Variants in ANGPT4 observed in about 807,000 individuals in gnomAD.
The protein encoded by ANGPT4 is angiopoietin 4.
ANGPT4 carries 50 observed loss-of-function variants against 53.0 expected under a neutral mutation model. That is an observed-to-expected ratio of 0.94 (90% CI 0.75 to 1.20). The LOEUF (loss-of-function observed/expected upper bound fraction) is 1.20, where lower values mean the gene tolerates loss of function less well. Ranked by LOEUF, ANGPT4 falls within the 50% of genes most tolerant of loss-of-function variation. The probability of loss-of-function intolerance (pLI) is 0.00; values close to 1 mark genes in which losing one functional copy is unlikely to be tolerated. For synonymous variants in ANGPT4, 251 were observed against 259.7 expected, an observed-to-expected ratio of 0.97 and a Z score of 0.32; for missense variants, 648 against 637.1, an observed-to-expected ratio of 1.02 and a Z score of -0.18.
intron 3 of ANGPT4, among the ~76,000 whole-genome samples, chr20:886,390 C>G (rs1981620782): frequency 1.3e-5 from 2 of 152,148 alleles, no homozygotes; most frequent in Non-Finnish European, 2.9e-5. Context: ...GCATGTCATG[C>G]AGTTATAGAA....
chr20:873,861 A>G (rs565863766), intron 8 of ANGPT4, among the ~76,000 whole-genome samples: 25 of 151,468 alleles, frequency 1.7e-4, no homozygotes, highest in African/African-American at 5.8e-4. Flanking sequence ...CATTCACCCC[A>G]CTTCCTGTTC....
At chr20:874,524 G>A in intron 7 of ANGPT4, 110 bp from the exon 8 acceptor site, 3 of 1,452,596 alleles carry the variant, frequency 2.1e-6, no homozygotes, top group South Asian at 1.3e-5. Flanking sequence ...TTCCCCTCCA[G>A]GTGTTCTTGG....
At chr20:874,713 A>C (rs142583689) in intron 7 of ANGPT4, among the ~76,000 whole-genome samples, 3 of 152,164 alleles carry the variant, frequency 2.0e-5, no homozygotes, top group African/African-American at 7.2e-5. Flanking sequence ...TGGCTAATAC[A>C]TATACATTTT....
intron 2 of ANGPT4, 118 bp downstream of exon 2, chr20:890,095 A>G: frequency 7.8e-7 from 1 of 1,274,578 alleles, no homozygotes; most frequent in Non-Finnish European, 1.1e-6. Context: ...GGGGGGCTAC[A>G]GGCCCAGAGG....
intron 1 of ANGPT4, among the ~76,000 whole-genome samples, chr20:897,620 T>TG: frequency 6.6e-6 from 1 of 152,224 alleles, no homozygotes; most frequent in East Asian, 1.9e-4. Context: ...GGGGGACACC[T>TG]GCCTTGGTCA....
intron 7 of ANGPT4, among the ~76,000 whole-genome samples, chr20:875,596 G>A (rs1263118436): frequency 6.6e-6 from 1 of 152,242 alleles, no homozygotes; most frequent in Non-Finnish European, 1.5e-5. Flanking sequence ...ATCTGTTCCA[G>A]TGGTAATGAT....
chr20:879,815 A>G lies in ANGPT4; in HGVS notation c.985T>C (p.Trp329Arg), dbSNP rs778837477. 1 of 1,613,386 alleles carries G rather than the reference A, an allele frequency of 6.2e-7. No homozygotes were observed. The highest frequency in any genetic ancestry group is 1.1e-5 in the South Asian group (1 of 91,018). ...FCDLQSSGGR[W>R]TLIQRRENGT... is the part of the protein sequence containing the mutation. Reference sequence around the variant, plus strand: ...TTCTCACGGCGCTGGATGAGGGTCCACCTGCCTCCACTGCTCTGCAGGTCA... The same window carrying G: ...TTCTCACGGCGCTGGATGAGGGTCCGCCTGCCTCCACTGCTCTGCAGGTCA... Residue 329 changes from tryptophan (W) to arginine (R), a missense_variant, in exon 6 of 9, where the codon TGG (tryptophan) becomes CGG (arginine). Trp to Arg is a moderately radical substitution (Grantham distance 101, BLOSUM62 -3). Coordinates refer to ENST00000381922, the MANE Select transcript of ANGPT4 (RefSeq NM_015985.4).
chr20:873,813 C>A (rs990343883), intron 8 of ANGPT4, among the ~76,000 whole-genome samples: 6 of 152,238 alleles, frequency 3.9e-5, no homozygotes, highest in African/African-American at 1.4e-4. Flanking sequence ...GAAGGTCTCT[C>A]CCCCTGTCTC....
chr20:893,244 G>A (rs988171193), intron 1 of ANGPT4, among the ~76,000 whole-genome samples: 70 of 152,292 alleles, frequency 4.6e-4, no homozygotes, highest in African/African-American at 1.6e-3. Flanking sequence ...CAGGTCCTGA[G>A]AGTCATTACC....
chr20:890,399 G>A (rs1314010772), intron 1 of ANGPT4, 31 bp from the exon 2 acceptor site: 1 of 1,585,332 alleles, frequency 6.3e-7, no homozygotes, highest in South Asian at 1.1e-5. Context: ...GGGTCACGGG[G>A]GAGGGGCGGG....
intron 4 of ANGPT4, among the ~76,000 whole-genome samples, chr20:883,971 G>A (rs564312333): frequency 2.0e-5 from 3 of 152,356 alleles, no homozygotes; most frequent in African/African-American, 7.2e-5. Context: ...GATGGAGCCA[G>A]GGTGGAATCT....
chr20:870,880 C>T lies in ANGPT4; in HGVS notation c.*2080G>A, dbSNP rs1980916095. 2.0e-5 allele frequency: 3 copies of T among 152,202 alleles called. No homozygotes were observed. Among genetic ancestry groups the T allele is most frequent in the African/African-American group, 7.2e-5 (3 of 41,444 alleles). 9.4% of individuals were successfully genotyped at this position (152,202 alleles called of 1,614,324 possible). A position where few individuals can be genotyped will look rare whatever the true frequency, so the allele number is the denominator to read the frequency against. On this transcript the variant is annotated 3_prime_UTR_variant, in exon 9 of 9. Transcript: ENST00000381922. ...ATGCCAGGCTCTATTAAGAAGATGA[C>T]ATACATGGTCTCATTTCCTCCTTGC... is the stretch of plus-strand genomic sequence containing the variant.
chr20:887,049 T>C (rs1981643834), intron 3 of ANGPT4, among the ~76,000 whole-genome samples: 1 of 152,166 alleles, frequency 6.6e-6, no homozygotes. Context: ...CACAAGAAAC[T>C]AGGAACAGTG....
At chr20:892,203 GTTGTCTCCA>G (rs1191629343) in intron 1 of ANGPT4, among the ~76,000 whole-genome samples, 6 of 151,590 alleles carry the variant, frequency 4.0e-5, no homozygotes, top group Non-Finnish European at 8.8e-5. Context: ...ACTTCTACAA[GTTGTCTCCA>G]TTTTCTCACC....
intron 1 of ANGPT4, among the ~76,000 whole-genome samples, chr20:901,940 G>T (rs773771956): frequency 6.6e-6 from 1 of 152,146 alleles, no homozygotes; most frequent in Non-Finnish European, 1.5e-5. Context: ...AAGCAAGAAT[G>T]AGGTTGAGCT....
rs1230609820 is a variant in ANGPT4, at chr20:914,184, A to G, written c.309+1722T>C. Among the ~76,000 whole-genome samples the G allele has an allele frequency of 6.6e-6, 1 of 152,172 alleles. No individual in the cohort carries two copies. Among genetic ancestry groups the G allele is most frequent in the East Asian group, 1.9e-4 (1 of 5,198 alleles). ...CTGGGAACCCAGAAGTGAGCAAAAG[A>G]GACATGGCGCCTGCCCTCTGGGAGC... is the stretch of plus-strand genomic sequence containing the variant. On this transcript the variant is annotated intron_variant, in intron 1 of 8. Transcript: ENST00000381922. This position sits in a 1 kb window ranked among gnomAD's most constrained non-coding sequence, Gnocchi z 5.0.
At chr20:897,994 C>CA (rs1982121795) in intron 1 of ANGPT4, among the ~76,000 whole-genome samples, 1 of 152,150 alleles carries the variant, frequency 6.6e-6, no homozygotes. Context: ...AAAAAATGGG[C>CA]AAATGGTCTG....
intron 1 of ANGPT4, among the ~76,000 whole-genome samples, chr20:894,610 A>G (rs570698848): frequency 6.6e-6 from 1 of 152,238 alleles, no homozygotes; most frequent in East Asian, 1.9e-4. Flanking sequence ...TTGGTCTCAG[A>G]CTTTTTCATG....
Position 888,349 on chromosome 20 carries a change from G to C in ANGPT4, c.556C>G (p.Gln186Glu). ...KLENQLLLQR[Q>E]KLQQLQGQNS... is the part of the protein sequence containing the mutation. ...TGGCCCTGAAGCTGCTGGAGCTTCT[G>C]CCTCTGTAGCAGCAGCTGGTTCTCC... The change falls in exon 3 of 9, where the codon CAG (glutamine) becomes GAG (glutamate). Residue 186 changes from glutamine to glutamate, a missense_variant. Coordinates refer to ENST00000381922, the MANE Select transcript of ANGPT4 (RefSeq NM_015985.4). The C allele has an allele frequency of 6.2e-7, 1 of 1,613,848 alleles. No individual in the cohort carries two copies. Among genetic ancestry groups the C allele is most frequent in the Non-Finnish European group, 8.5e-7 (1 of 1,179,972 alleles).
Sources: allele counts gnomAD v4.1 joint callset (sites outside exome capture counted in the v4.1 genomes callset), GRCh38; gene constraint gnomAD v4.1.1; non-coding constraint Gnocchi (gnomAD v3.1); transcripts MANE v1.5; gene names NCBI Gene and HGNC (gene_info 2026-07-23, HGNC 2026-07-21).